SIPA1L3: variants seen among roughly 807,000 people sequenced by gnomAD.
The protein encoded by SIPA1L3 is signal induced proliferation associated 1 like 3, also known as signal-induced proliferation-associated 1-like protein 3.
Under a neutral mutation model 150.1 loss-of-function variants are expected in SIPA1L3, and 59 were observed. That is an observed-to-expected ratio of 0.39 (90% CI 0.32 to 0.49). The LOEUF is 0.49. Ranked by LOEUF, SIPA1L3 falls within the 20% of genes least tolerant of loss-of-function variation. SIPA1L3 has a pLI of 0.86. For missense variants in SIPA1L3, 2,211 were observed against 2,489.5 expected (o/e 0.89, Z 2.38); for synonymous variants, 1,070 against 1,077.6 (o/e 0.99, Z 0.14).
intron 2 of SIPA1L3, among the ~76,000 whole-genome samples, chr19:38,072,594 C>T (rs1969748251): frequency 6.6e-6 from 1 of 152,250 alleles, no homozygotes; most frequent in South Asian, 2.1e-4. Context: ...GGGAAAAGCG[C>T]AGCCTTCAGC....
intron 9 of SIPA1L3, among the ~76,000 whole-genome samples, chr19:38,121,187 TA>T (rs1487526020): frequency 6.6e-6 from 1 of 150,596 alleles, no homozygotes; most frequent in Non-Finnish European, 1.5e-5. Flanking sequence ...AAAAAAAAAA[TA>T]AAAAAATAAA....
At chr19:37,931,813 CT>C in intron 1 of SIPA1L3, among the ~76,000 whole-genome samples, 1 of 152,250 alleles carries the variant, frequency 6.6e-6, no homozygotes, top group South Asian at 2.1e-4. Flanking sequence ...TGGAGCTCCT[CT>C]GCTTGGGTTA....
In SIPA1L3 at chr19:38,081,775, C is replaced by T; in HGVS notation, c.210C>T (p.Thr70=). ...CCGCCACCACCCGCCCCAGCCCCAC[C>T]ACTCCCGCAATGCCCAAGATGGGCG... ...TATATTRPSP[T]TPAMPKMGVR... The change falls in exon 3 of 22, where the codon ACC becomes ACT. Residue 70 remains threonine, a synonymous_variant. Transcript: ENST00000222345. 1 of 1,609,894 alleles carries T rather than the reference C, an allele frequency of 6.2e-7. No individual in the cohort carries two copies. The highest frequency in any genetic ancestry group is 8.5e-7 in the Non-Finnish European group (1 of 1,178,652).
intron 1 of SIPA1L3, among the ~76,000 whole-genome samples, chr19:37,968,023 A>G (rs763530518): frequency 4.2e-4 from 54 of 129,598 alleles, no homozygotes; most frequent in Non-Finnish European, 6.5e-4. Flanking sequence ...GTAAGTGCTC[A>G]GTAAATGTTA....
chr19:38,064,309 C>G (rs1969519362), intron 2 of SIPA1L3, among the ~76,000 whole-genome samples: 1 of 152,218 alleles, frequency 6.6e-6, no homozygotes. Context: ...GTGAGCCACC[C>G]TGGGCTGTCT....
At chr19:37,959,967 G>A (rs2046843074) in intron 1 of SIPA1L3, among the ~76,000 whole-genome samples, 1 of 150,570 alleles carries the variant, frequency 6.6e-6, no homozygotes, top group Admixed American at 6.6e-5. Flanking sequence ...CCTCTTTTGT[G>A]TTATTATTGT....
At chr19:38,103,933 A>T (rs370704125) in intron 6 of SIPA1L3, among the ~76,000 whole-genome samples, 2 of 151,508 alleles carry the variant, frequency 1.3e-5, no homozygotes, top group East Asian at 1.9e-4. Context: ...GAAAGAAAAA[A>T]ATATATATAT....
At chr19:38,012,854 G>C (rs1474546020) in intron 1 of SIPA1L3, among the ~76,000 whole-genome samples, 1 of 152,192 alleles carries the variant, frequency 6.6e-6, no homozygotes, top group African/African-American at 2.4e-5. Flanking sequence ...GCCTCACAAG[G>C]AGGCTGGACC....
At chr19:38,128,878 C>T (rs1303150904) in intron 9 of SIPA1L3, among the ~76,000 whole-genome samples, 4 of 151,472 alleles carry the variant, frequency 2.6e-5, no homozygotes, top group African/African-American at 9.7e-5. Context: ...GCCTGGGCGA[C>T]AGCGAGACTC....
At chr19:38,124,856 G>A (rs1254767602) in intron 9 of SIPA1L3, among the ~76,000 whole-genome samples, 1 of 152,134 alleles carries the variant, frequency 6.6e-6, no homozygotes, top group Non-Finnish European at 1.5e-5. Context: ...ACGAAAACCA[G>A]TCAGGTGTGG....
At chr19:38,065,834 CTATT>C (rs74176412) in intron 2 of SIPA1L3, among the ~76,000 whole-genome samples, 16 of 141,090 alleles carry the variant, frequency 1.1e-4, no homozygotes, top group Middle Eastern at 3.5e-3. Flanking sequence ...CTCTACCTTG[CTATT>C]TATTTATTTA....
Position 38,100,158 on chromosome 19 carries a change from A to G in SIPA1L3, c.1854+8A>G. On this transcript the variant is annotated splice_region_variant and intron_variant, in intron 5 of 21. Transcript: ENST00000222345. Reference sequence around the variant, plus strand: ...AAGCTCGATGAGCAAGGGGTGAGTCAGGGGCTGGAGGTGGGGGTGCTGCTG... The same window carrying G: ...AAGCTCGATGAGCAAGGGGTGAGTCGGGGGCTGGAGGTGGGGGTGCTGCTG... 6.5e-7 allele frequency: 1 copy of G among 1,541,726 alleles called. No homozygotes were observed. Among genetic ancestry groups the G allele is most frequent in the Non-Finnish European group, 8.7e-7 (1 of 1,145,294 alleles).
intron 2 of SIPA1L3, among the ~76,000 whole-genome samples, chr19:38,078,450 A>T (rs1378480559): frequency 6.7e-6 from 1 of 150,084 alleles, no homozygotes; most frequent in Non-Finnish European, 1.5e-5. Context: ...ACACACACAC[A>T]CACACACACA....
chr19:37,997,384 A>G (rs1479338758), intron 1 of SIPA1L3, among the ~76,000 whole-genome samples: 3 of 151,504 alleles, frequency 2.0e-5, no homozygotes, highest in Admixed American at 1.3e-4. Flanking sequence ...CCTGGCCAAC[A>G]TGGTGACACC....
At chr19:37,965,931 C>G (rs2046900281) in intron 1 of SIPA1L3, among the ~76,000 whole-genome samples, 1 of 152,128 alleles carries the variant, frequency 6.6e-6, no homozygotes, top group Non-Finnish European at 1.5e-5. Context: ...CCTTCCTGAT[C>G]TTTGTGTGCG....
At chr19:38,056,637 G>A (rs12980973) in intron 2 of SIPA1L3, among the ~76,000 whole-genome samples, 9,666 of 152,302 alleles carry the variant, frequency 0.063, 393 homozygotes, top group East Asian at 0.1. Context: ...CGTGGTTACT[G>A]CTTTGTTACT....
chr19:37,998,490 A>G (rs1254371137), intron 1 of SIPA1L3, among the ~76,000 whole-genome samples: 1 of 152,218 alleles, frequency 6.6e-6, no homozygotes. Context: ...ATTTGCTTTA[A>G]AATACTTCAG....
chr19:37,954,838 G>T (rs533420788), intron 1 of SIPA1L3, among the ~76,000 whole-genome samples: 59 of 152,238 alleles, frequency 3.9e-4, no homozygotes, highest in African/African-American at 1.4e-3. Flanking sequence ...TGTAATCCCA[G>T]TACTTTGGGA....
chr19:38,157,175 A>G (rs563943620), intron 13 of SIPA1L3, among the ~76,000 whole-genome samples: 1 of 152,028 alleles, frequency 6.6e-6, no homozygotes, highest in Non-Finnish European at 1.5e-5. Flanking sequence ...ATAAAAAAAT[A>G]AAAAAAAGTT....
Sources: gnomAD v4.1 joint callset for allele counts (sites outside exome capture counted in the v4.1 genomes callset) on GRCh38, gnomAD v4.1.1 for gene constraint, MANE v1.5 for transcripts, NCBI Gene and HGNC (gene_info 2026-07-23, HGNC 2026-07-21) for gene names.